SLCO3A1: variants seen among roughly 807,000 people sequenced by gnomAD.
The protein encoded by SLCO3A1 is solute carrier organic anion transporter family member 3A1.
SLCO3A1 carries 27 observed loss-of-function variants against 63.1 expected under a neutral mutation model. The ratio of observed to expected loss-of-function variants is 0.43; its 90% CI spans 0.32 to 0.59. SLCO3A1 has a LOEUF of 0.59. Ranked by LOEUF, SLCO3A1 falls within the 20% of genes least tolerant of loss-of-function variation. SLCO3A1 has a pLI of 0.09. For synonymous variants in SLCO3A1, 473 were observed against 409.9 expected (o/e 1.15, Z -1.86); for missense variants, 773 against 945.8 (o/e 0.82, Z 2.40).
At chr15:92,064,312 G>A (rs542406935) in intron 2 of SLCO3A1, among the ~76,000 whole-genome samples, 2 of 152,118 alleles carry the variant, frequency 1.3e-5, no homozygotes, top group South Asian at 4.2e-4. Context: ...TGTTGAGTTG[G>A]TTGAGTTCTT....
rs973986657 is a variant in SLCO3A1, at chr15:91,883,421, A to G, written c.180+29333A>G. On this transcript the variant is annotated intron_variant, in intron 1 of 9. Coordinates refer to ENST00000318445, the MANE Select transcript of SLCO3A1 (RefSeq NM_013272.4). This position sits in a 1 kb window ranked among gnomAD's most constrained non-coding sequence, Gnocchi z 4.8. The stretch of plus-strand genomic sequence containing the variant: ...TGCCAGTTTGGGATCAGAACGTCCA[A>G]TCGCTGACTGGTTCTCTTGCTCTGA... Among the ~76,000 whole-genome samples, 5 of 152,148 alleles carry G rather than the reference A, an allele frequency of 3.3e-5. No homozygotes were observed. Among genetic ancestry groups the G allele is most frequent in the African/African-American group, 7.2e-5 (3 of 41,426 alleles).
At position 92,025,540 on chromosome 15, in the gene SLCO3A1, A is replaced by G. The variant is rs529462014; in HGVS notation, c.647-69341A>G. The stretch of plus-strand genomic sequence containing the variant: ...TGGCATCCACTTGTTGTTTTGGAGA[A>G]TGCTAGGCTCTGGGCCAGGCACTTT... On this transcript the variant is annotated intron_variant, in intron 2 of 9. Coordinates refer to ENST00000318445, the MANE Select transcript of SLCO3A1 (RefSeq NM_013272.4). 7.9e-4 allele frequency among the ~76,000 whole-genome samples: 120 copies of G among 152,328 alleles called. 1 individual carries two copies. The highest frequency in any genetic ancestry group is 2.8e-3 in the African/African-American group (118 of 41,578).
intron 1 of SLCO3A1, among the ~76,000 whole-genome samples, chr15:91,909,844 G>A (rs1898428935): frequency 1.3e-5 from 2 of 152,180 alleles, no homozygotes; most frequent in Admixed American, 1.3e-4. Flanking sequence ...TCTCTAAGGT[G>A]GCTCTGCCAC....
In SLCO3A1 at chr15:92,120,474, A is replaced by C; in HGVS notation, c.1019A>C (p.Lys340Thr). The C allele has an allele frequency of 1.2e-6, 2 of 1,614,074 alleles. No individual in the cohort carries two copies. The change falls in exon 5 of 10, where the codon AAG (lysine) becomes ACG (threonine). Residue 340 changes from lysine (K) to threonine (T), a missense_variant. Lys to Thr is a moderately conservative substitution (Grantham distance 78). Coordinates refer to ENST00000318445, the MANE Select transcript of SLCO3A1 (RefSeq NM_013272.4). The stretch of plus-strand genomic sequence containing the variant: ...TTCTGTCTCCCTGCAGTGATCCCGA[A>C]GGTCACCAAGCACCTGCTCTCAAAC... ...SCFQQLRVIP[K>T]VTKHLLSNPV...
chr15:91,890,851 G>A (rs1294513944), intron 1 of SLCO3A1, among the ~76,000 whole-genome samples: 1 of 152,180 alleles, frequency 6.6e-6, no homozygotes, highest in Non-Finnish European at 1.5e-5. Flanking sequence ...CTACTGCCCT[G>A]GCCAGACTGC....
intron 8 of SLCO3A1, among the ~76,000 whole-genome samples, chr15:92,150,593 C>G (rs547025824): frequency 6.6e-6 from 1 of 151,988 alleles, no homozygotes; most frequent in South Asian, 2.1e-4. Context: ...TGTTTTCCCC[C>G]CCATACGTGT....
At position 91,880,743 on chromosome 15, in the gene SLCO3A1, TGTTA is replaced by T. The variant is rs1597084767; in HGVS notation, c.180+26660_180+26663del. 5.3e-5 allele frequency among the ~76,000 whole-genome samples: 8 copies of T among 152,298 alleles called. No homozygotes were observed. In the South Asian group the frequency reaches 1.7e-3, roughly 32 times the overall value. On this transcript the variant is annotated intron_variant, in intron 1 of 9. Transcript: ENST00000318445. ...ATATTGCCTAGTGTGGAGGTACTCC[TGTTA>T]GTTAACCGTTCACCTCTTGATGGCA... is the stretch of plus-strand genomic sequence containing the variant.
chr15:91,878,308 G>A (rs1431615993), intron 1 of SLCO3A1, among the ~76,000 whole-genome samples: 1 of 150,304 alleles, frequency 6.7e-6, no homozygotes, highest in Non-Finnish European at 1.5e-5. Flanking sequence ...GGTCTCAGGT[G>A]ACCTCAGGTG....
chr15:92,124,458 C>T (rs2047898242), intron 5 of SLCO3A1, among the ~76,000 whole-genome samples: 1 of 152,104 alleles, frequency 6.6e-6, no homozygotes, highest in African/African-American at 2.4e-5. Flanking sequence ...GGCCTGCTTT[C>T]TGGGTGTGGG....
intron 2 of SLCO3A1, among the ~76,000 whole-genome samples, chr15:91,996,679 CA>C (rs925554483): frequency 3.3e-5 from 5 of 151,994 alleles, no homozygotes; most frequent in African/African-American, 1.2e-4. Context: ...CTAATGTGCT[CA>C]AAAACCAACC....
intron 2 of SLCO3A1, among the ~76,000 whole-genome samples, chr15:92,050,805 T>TC (rs747030769): frequency 2.6e-4 from 39 of 152,308 alleles, no homozygotes; most frequent in Non-Finnish European, 3.2e-4. Context: ...GAGCCTGCCT[T>TC]CCTCTTCAGC....
intron 2 of SLCO3A1, among the ~76,000 whole-genome samples, chr15:92,010,232 G>T (rs1294895474): frequency 6.6e-6 from 1 of 152,202 alleles, no homozygotes; most frequent in African/African-American, 2.4e-5. Context: ...AACCTATTCA[G>T]TGTTTCTCTA....
intron 8 of SLCO3A1, among the ~76,000 whole-genome samples, chr15:92,148,353 G>T (rs2048257622): frequency 6.6e-6 from 1 of 152,180 alleles, no homozygotes; most frequent in Non-Finnish European, 1.5e-5. Context: ...ACTTTATCCA[G>T]CTTCTCTCTC....
intron 7 of SLCO3A1, among the ~76,000 whole-genome samples, chr15:92,139,177 T>C (rs1488231482): frequency 1.3e-5 from 2 of 151,316 alleles, no homozygotes; most frequent in East Asian, 3.9e-4. Context: ...TGAGAGTTTT[T>C]AGCATGAAGG....
rs543080789 is a variant in SLCO3A1 at position 91,977,117 on chromosome 15, T to C, written c.646+60659T>C. Among the ~76,000 whole-genome samples the C allele has an allele frequency of 7.7e-4, 117 of 152,310 alleles. 1 individual carries two copies. Among genetic ancestry groups the C allele is most frequent in the African/African-American group, 2.8e-3 (115 of 41,574 alleles). ...GAAAGTACCACAGTGTCACTAGTGG[T>C]AAATTTTTGCTACATGTCATGAATG... On this transcript the variant is annotated intron_variant, in intron 2 of 9. Transcript: ENST00000318445.
chr15:91,960,926 G>A (rs948742153), intron 2 of SLCO3A1, among the ~76,000 whole-genome samples: 3 of 152,114 alleles, frequency 2.0e-5, no homozygotes, highest in Admixed American at 2.0e-4. Flanking sequence ...GAGCATTTTG[G>A]ATATCAGATT....
At chr15:91,921,162 C>A (rs1898831286) in intron 2 of SLCO3A1, among the ~76,000 whole-genome samples, 1 of 152,196 alleles carries the variant, frequency 6.6e-6, no homozygotes, top group African/African-American at 2.4e-5. Context: ...GGTCTCATTC[C>A]TTGAATTTCA....
At chr15:91,992,520 A>G (rs2046139788) in intron 2 of SLCO3A1, among the ~76,000 whole-genome samples, 1 of 152,200 alleles carries the variant, frequency 6.6e-6, no homozygotes, top group Non-Finnish European at 1.5e-5. Flanking sequence ...ACGGGAAGCC[A>G]GTGATCCTTC....
In SLCO3A1 at chr15:92,128,020, G is replaced by T. The variant is rs567144901; in HGVS notation, c.1374-331G>T. Among the ~76,000 whole-genome samples the T allele has an allele frequency of 2.6e-5, 4 of 152,252 alleles. No individual in the cohort carries two copies. In the East Asian group the frequency reaches 7.7e-4, roughly 29 times the overall value. ...CAGTCCCAACTGCCACCAGCCCAGA[G>T]GGCACATCAATACCAGTGATAAAAA... On this transcript the variant is annotated intron_variant, in intron 6 of 9. Transcript: ENST00000318445.
Sources: gnomAD v4.1 joint callset for allele counts (sites outside exome capture counted in the v4.1 genomes callset) on GRCh38, gnomAD v4.1.1 for gene constraint, Gnocchi (gnomAD v3.1) non-coding constraint, MANE v1.5 for transcripts, NCBI Gene and HGNC (gene_info 2026-07-23, HGNC 2026-07-21) for gene names.